Variants in SGCE observed in about 807,000 individuals in gnomAD.
SGCE encodes the protein epsilon-sarcoglycan.
Under a neutral mutation model 57.8 loss-of-function variants are expected in SGCE, and 26 were observed. That is an observed-to-expected ratio of 0.45 (90% CI 0.33 to 0.62). The LOEUF is 0.62. Among genes scored for constraint, SGCE ranks in the 20% least tolerant of loss-of-function variants. The pLI, the probability that SGCE is intolerant of heterozygous loss-of-function variation, is 0.02. For missense variants in SGCE, 468 were observed against 548.6 expected, an observed-to-expected ratio of 0.85 and a Z score of 1.47; for synonymous variants, 183 against 189.5, an observed-to-expected ratio of 0.97 and a Z score of 0.28.
At chr7:94,646,004 T>A (rs959913144) in intron 1 of SGCE, among the ~76,000 whole-genome samples, 2 of 152,160 alleles carry the variant, frequency 1.3e-5, no homozygotes, top group African/African-American at 4.8e-5. Flanking sequence ...TAGAAATATA[T>A]AGTAGAGTCA....
intron 1 of SGCE, among the ~76,000 whole-genome samples, chr7:94,636,347 T>G (rs935848771): frequency 6.6e-6 from 1 of 152,200 alleles, no homozygotes; most frequent in African/African-American, 2.4e-5. Context: ...GATCATAACA[T>G]TATTTCCTAC....
intron 1 of SGCE, among the ~76,000 whole-genome samples, chr7:94,655,777 G>A (rs200959696): frequency 6.7e-6 from 1 of 150,068 alleles, no homozygotes; most frequent in Non-Finnish European, 1.5e-5. Context: ...GCGCGGAGAG[G>A]AAAAAAAGGC....
chr7:94,656,021 G>A lies in SGCE; in HGVS notation c.78C>T (p.Ser26=). Reference sequence around the variant, plus strand: ...GCAAGAATGTGCCAGTGGTCGCGGGGCTCATCCTGCGTGTCCCCCGACCCT... The same window carrying A: ...GCAAGAATGTGCCAGTGGTCGCGGGACTCATCCTGCGTGTCCCCCGACCCT... ...TGQGRGTRRM[S]PATTGTFLLT... is the part of the protein sequence containing the mutation. Residue 26 remains serine (S), a synonymous_variant, in exon 1 of 11, where the codon AGC becomes AGT. Transcript: ENST00000648936. 1.9e-6 allele frequency: 3 copies of A among 1,612,342 alleles called. No homozygotes were observed. The highest frequency in any genetic ancestry group is 2.2e-5 in the South Asian group (2 of 91,008).
chr7:94,629,668 A>G, intron 2 of SGCE, 51 bp downstream of exon 2: 5 of 1,591,442 alleles, frequency 3.1e-6, no homozygotes, highest in Non-Finnish European at 4.3e-6. Flanking sequence ...ATGCAAATTA[A>G]ACAAAAAATT....
At chr7:94,591,709 G>A (rs1366299612) in intron 9 of SGCE, among the ~76,000 whole-genome samples, 1 of 152,128 alleles carries the variant, frequency 6.6e-6, no homozygotes, top group African/African-American at 2.4e-5. Flanking sequence ...CCTATGCCCT[G>A]TCGTTTCTTT....
chr7:94,628,039 G>T, intron 3 of SGCE, 163 bp downstream of exon 3: 4 of 573,274 alleles, frequency 7.0e-6, no homozygotes, highest in Non-Finnish European at 1.2e-5. Context: ...GAGAAGAATG[G>T]CACATTTCCA....
intron 1 of SGCE, among the ~76,000 whole-genome samples, chr7:94,650,263 G>C (rs1465855890): frequency 3.9e-5 from 6 of 152,200 alleles, no homozygotes; most frequent in Admixed American, 3.9e-4. Context: ...GGTTGCAGAA[G>C]GGACCCTATT....
chr7:94,604,834 T>TATAA (rs1554345725), intron 5 of SGCE, among the ~76,000 whole-genome samples: 1 of 68,440 alleles, frequency 1.5e-5, no homozygotes, highest in Non-Finnish European at 3.2e-5. Context: ...TATATATATA[T>TATAA]ATATATATAT....
In SGCE at chr7:94,599,962, T is replaced by G. The variant is rs1798964818; in HGVS notation, c.1038-239A>C. ...AAAATGGAGATTAAGAATCAAGGCC[T>G]TGATTGAAATAAATTCTATGACATA... On this transcript the variant is annotated intron_variant, in intron 7 of 10. Transcript: ENST00000648936. 6 of 378,000 alleles carry G rather than the reference T, an allele frequency of 1.6e-5. No individual in the cohort carries two copies. The East Asian group carries it at 2.5e-4, about 15-fold the overall frequency. 23.4% of individuals were successfully genotyped at this position (378,000 alleles called of 1,614,324 possible).
chr7:94,631,857 G>C (rs1019240114), intron 1 of SGCE, among the ~76,000 whole-genome samples: 2 of 152,008 alleles, frequency 1.3e-5, no homozygotes, highest in South Asian at 4.1e-4. Flanking sequence ...ATAATCTAAA[G>C]GAATCTCTTT....
chr7:94,613,038 C>T lies in SGCE; in HGVS notation c.662+5720G>A, dbSNP rs187347495. Among the ~76,000 whole-genome samples the T allele has an allele frequency of 4.6e-5, 7 of 152,346 alleles. No individual in the cohort carries two copies. The East Asian group carries it at 1.4e-3, about 29-fold the overall frequency. On this transcript the variant is annotated intron_variant, in intron 5 of 10. Transcript: ENST00000648936. ...AAGGAACAGCCCCTTAATGGTGCTCCTTGAACCCAGTCTTTGCCACTGTCC... is the reference window on the plus strand; with the variant it reads ...AAGGAACAGCCCCTTAATGGTGCTCTTTGAACCCAGTCTTTGCCACTGTCC...
At chr7:94,647,103 C>T (rs1028780129) in intron 1 of SGCE, among the ~76,000 whole-genome samples, 4 of 152,180 alleles carry the variant, frequency 2.6e-5, no homozygotes, top group African/African-American at 9.7e-5. Context: ...CATGATAGCA[C>T]ATTTTAAGGC....
intron 3 of SGCE, chr7:94,627,957 AAG>A (rs1804000540): frequency 4.2e-6 from 2 of 478,194 alleles, no homozygotes; most frequent in Non-Finnish European, 7.5e-6. Flanking sequence ...AATCTCTTTT[AAG>A]GTCATATTTT....
intron 1 of SGCE, among the ~76,000 whole-genome samples, chr7:94,630,846 C>T (rs1482081710): frequency 1.3e-5 from 2 of 151,904 alleles, no homozygotes; most frequent in Non-Finnish European, 1.5e-5. Flanking sequence ...CACAAGGCTG[C>T]TCACTCCAAG....
At chr7:94,593,873 A>C (rs1798027483) in intron 9 of SGCE, among the ~76,000 whole-genome samples, 1 of 152,088 alleles carries the variant, frequency 6.6e-6, no homozygotes, top group Non-Finnish European at 1.5e-5. Flanking sequence ...TCCAATCCTG[A>C]AACTTAAGTC....
At position 94,614,107 on chromosome 7, in the gene SGCE, C is replaced by CAAAAAAAAAAAAAAAAAAAAAAAAAAAAA. The variant is rs925650428; in HGVS notation, c.662+4650_662+4651insTTTTTTTTTTTTTTTTTTTTTTTTTTTTT. Among the ~76,000 whole-genome samples, 2 of 94,964 alleles carry CAAAAAAAAAAAAAAAAAAAAAAAAAAAAA rather than the reference C, an allele frequency of 2.1e-5. 1 individual carries two copies. Among genetic ancestry groups the CAAAAAAAAAAAAAAAAAAAAAAAAAAAAA allele is most frequent in the Non-Finnish European group, 4.0e-5 (2 of 49,940 alleles). The allele number at this position is 94,964 out of a possible 152,430, so 62.3% of individuals were successfully genotyped here. ...AATTTTCTTGTACCCAAATTGAAATCAAAAAAAAAAAAAAAAAAAAAAACA... is the reference window on the plus strand; with the variant it reads ...AATTTTCTTGTACCCAAATTGAAATCAAAAAAAAAAAAAAAAAAAAAAAAAAAAAAAAAAAAAAAAAAAAAAAAAAAACA... On this transcript the variant is annotated intron_variant, in intron 5 of 10. Transcript: ENST00000648936.
At chr7:94,611,361 A>T (rs1800997499) in intron 5 of SGCE, among the ~76,000 whole-genome samples, 1 of 152,134 alleles carries the variant, frequency 6.6e-6, no homozygotes, top group South Asian at 2.1e-4. Flanking sequence ...AAACTTGAAA[A>T]TGTTATACAA....
chr7:94,623,734 T>G, intron 3 of SGCE: 1 of 397,644 alleles, frequency 2.5e-6, no homozygotes, highest in Non-Finnish European at 4.4e-6. Context: ...TGTTCTAAGA[T>G]TTCAAAAAAA....
At chr7:94,645,549 TA>T (rs1267103601) in intron 1 of SGCE, among the ~76,000 whole-genome samples, 3 of 152,106 alleles carry the variant, frequency 2.0e-5, no homozygotes, top group Non-Finnish European at 2.9e-5. Flanking sequence ...CAGAAGAAGC[TA>T]AAAAAATTAG....
Sources: gnomAD v4.1 joint callset for allele counts (sites outside exome capture counted in the v4.1 genomes callset) on GRCh38, gnomAD v4.1.1 for gene constraint, MANE v1.5 for transcripts, NCBI Gene and HGNC (gene_info 2026-07-23, HGNC 2026-07-21) for gene names.